The following C10orf90 variants were observed in gnomAD, a reference collection of about 807,000 sequenced individuals.
C10orf90 encodes the protein chromosome 10 open reading frame 90.
In C10orf90, 56 loss-of-function variants were observed where a neutral mutation model predicts 62.5. The ratio of observed to expected loss-of-function variants is 0.90; its 90% confidence interval spans 0.72 to 1.12. C10orf90 has a LOEUF of 1.12. C10orf90 is among the 50% of genes most tolerant of loss of function. The pLI is 0.00. For missense variants in C10orf90, 970 were observed against 880.4 expected, an observed-to-expected ratio of 1.10 and a Z score of -1.29; for synonymous variants, 386 against 340.4, an observed-to-expected ratio of 1.13 and a Z score of -1.47.
chr10:126,522,395 A>G lies in C10orf90; in HGVS notation c.314-8456T>C, dbSNP rs59343219. Among the ~76,000 whole-genome samples the G allele has an allele frequency of 6.4e-3, 972 of 152,370 alleles. 16 individuals carry two copies. The highest frequency in any genetic ancestry group is 0.022 in the African/African-American group (927 of 41,582). On this transcript the variant is annotated intron_variant, in intron 2 of 9. Coordinates refer to ENST00000488181, the MANE Select transcript of C10orf90 (RefSeq NM_001350921.2). ...AACTGCATAACTTATTGCCTTTCCA[A>G]TGAAATACACAATTTTATAAGGAGA...
chr10:126,425,702 TG>T lies in C10orf90; in HGVS notation c.*161del. 1 of 699,940 alleles carries T rather than the reference TG, an allele frequency of 1.4e-6. No individual in the cohort carries two copies. The highest frequency in any genetic ancestry group is 2.0e-5 in the South Asian group (1 of 49,906). The allele number at this position is 699,940 out of a possible 1,614,324, so 43.4% of individuals were successfully genotyped here. A position where few individuals can be genotyped will look rare whatever the true frequency, so the allele number is the denominator to read the frequency against. The stretch of plus-strand genomic sequence containing the variant: ...CGAGGGTTATTGTTTCTGTTTGGCT[TG>T]GGTCAGTAATTCAGGAAGTGATGTT... On this transcript the variant is annotated 3_prime_UTR_variant, in exon 10 of 10. Coordinates refer to ENST00000488181, the MANE Select transcript of C10orf90 (RefSeq NM_001350921.2).
At position 126,504,771 on chromosome 10, in the gene C10orf90, C is replaced by A. The variant is rs377010024; in HGVS notation, c.720G>T (p.Thr240=). Residue 240 remains threonine (T), a synonymous_variant, in exon 4 of 10, where the codon ACG becomes ACT. Transcript: ENST00000488181. The surrounding 1 kb of genome is among the most constrained non-coding windows in gnomAD (Gnocchi z 4.1). ...PRRGFASITI[T]ARRVGPPARA... is the part of the protein sequence containing the mutation. ...GGGCTGGGGGGCCCACGCGTCTGGC[C>A]GTGATGGTGATGGATGCAAACCCTC... 2 of 1,585,562 alleles carry A rather than the reference C, an allele frequency of 1.3e-6. No individual in the cohort carries two copies. Among genetic ancestry groups the A allele is most frequent in the Non-Finnish European group, 1.7e-6 (2 of 1,165,656 alleles).
At chr10:126,609,247 A>G (rs986085873) in intron 2 of C10orf90, among the ~76,000 whole-genome samples, 1 of 152,182 alleles carries the variant, frequency 6.6e-6, no homozygotes, top group African/African-American at 2.4e-5. Context: ...TGTTAAAAAT[A>G]CAAAAATTAG....
intron 1 of C10orf90, among the ~76,000 whole-genome samples, chr10:126,648,471 C>T (rs1846214917): frequency 6.6e-6 from 1 of 152,198 alleles, no homozygotes; most frequent in South Asian, 2.1e-4. Context: ...AAGACTAAGA[C>T]ACTAAGTATC....
intron 7 of C10orf90, among the ~76,000 whole-genome samples, chr10:126,448,477 A>G (rs911548354): frequency 6.6e-6 from 1 of 152,144 alleles, no homozygotes; most frequent in Non-Finnish European, 1.5e-5. Flanking sequence ...CTAATCAAGA[A>G]CTAGAACTAG....
At chr10:126,659,906 C>A (rs1004044734) in intron 1 of C10orf90, among the ~76,000 whole-genome samples, 2 of 152,242 alleles carry the variant, frequency 1.3e-5, no homozygotes, top group African/African-American at 4.8e-5. Flanking sequence ...TCTGTTTATT[C>A]ATTTCTTCGT....
intron 2 of C10orf90, among the ~76,000 whole-genome samples, chr10:126,563,357 G>A (rs2133990441): frequency 6.6e-6 from 1 of 152,264 alleles, no homozygotes. Context: ...TAGATCCTGG[G>A]CAGCCCAGGC....
At chr10:126,646,326 C>A (rs1268922197) in intron 2 of C10orf90, among the ~76,000 whole-genome samples, 1 of 152,230 alleles carries the variant, frequency 6.6e-6, no homozygotes, top group Non-Finnish European at 1.5e-5. Flanking sequence ...AGCTCAGGTC[C>A]CAAAGGCACC....
intron 2 of C10orf90, among the ~76,000 whole-genome samples, chr10:126,628,530 G>A (rs1845791434): frequency 6.6e-6 from 1 of 152,292 alleles, no homozygotes. Context: ...TCTGCTTGAG[G>A]TCTGGTGGTC....
At chr10:126,529,412 C>T (rs1239931978) in intron 2 of C10orf90, among the ~76,000 whole-genome samples, 1 of 152,006 alleles carries the variant, frequency 6.6e-6, no homozygotes, top group Non-Finnish European at 1.5e-5. Flanking sequence ...TCAAAAGATT[C>T]CATAAAGAGA....
At chr10:126,516,959 G>A (rs1863469783) in intron 2 of C10orf90, among the ~76,000 whole-genome samples, 1 of 152,096 alleles carries the variant, frequency 6.6e-6, no homozygotes, top group Non-Finnish European at 1.5e-5. Flanking sequence ...CCTCTTGTAA[G>A]GACCCTTGGA....
chr10:126,592,324 T>C (rs1296130263), intron 2 of C10orf90, among the ~76,000 whole-genome samples: 6 of 152,164 alleles, frequency 3.9e-5, no homozygotes, highest in African/African-American at 7.2e-5. Context: ...CAAAACAGCA[T>C]GGTACTGGTA....
At chr10:126,611,877 A>G (rs1160944793) in intron 2 of C10orf90, among the ~76,000 whole-genome samples, 1 of 152,216 alleles carries the variant, frequency 6.6e-6, no homozygotes, top group Non-Finnish European at 1.5e-5. Context: ...ACAAATTCAC[A>G]ATGGCACAAA....
At chr10:126,452,235 G>A (rs1483470584) in intron 7 of C10orf90, among the ~76,000 whole-genome samples, 1 of 151,918 alleles carries the variant, frequency 6.6e-6, no homozygotes, top group East Asian at 1.9e-4. Context: ...CAAAACGTGG[G>A]CGTATGGTTT....
intron 2 of C10orf90, among the ~76,000 whole-genome samples, chr10:126,625,624 C>T (rs1469606978): frequency 6.6e-6 from 1 of 152,122 alleles, no homozygotes; most frequent in Non-Finnish European, 1.5e-5. Flanking sequence ...GCTGAGTTTG[C>T]TAATGATGTT....
Position 126,504,270 on chromosome 10 carries a change from C to T in C10orf90, c.1221G>A (p.Val407=). The change falls in exon 4 of 10, where the codon GTG becomes GTA. Residue 407 remains valine (V), a synonymous_variant. Coordinates refer to ENST00000488181, the MANE Select transcript of C10orf90 (RefSeq NM_001350921.2). The surrounding 1 kb of genome is among the most constrained non-coding windows in gnomAD (Gnocchi z 4.1). ...RLTADGVDGL[V]NREPISEALK... is the part of the protein sequence containing the mutation. ...GGGCTTCGCTTATTGGCTCTCTGTT[C>T]ACTAGGCCATCTACTCCATCTGCTG... 1 of 1,614,202 alleles carries T rather than the reference C, an allele frequency of 6.2e-7. No homozygotes were observed. Among genetic ancestry groups the T allele is most frequent in the Non-Finnish European group, 8.5e-7 (1 of 1,180,046 alleles).
chr10:126,630,471 G>A (rs771455152), intron 2 of C10orf90, among the ~76,000 whole-genome samples: 9 of 152,136 alleles, frequency 5.9e-5, no homozygotes, highest in South Asian at 2.1e-4. Flanking sequence ...TGGTGGGGTC[G>A]GGAACGGGGA....
At chr10:126,506,013 C>T (rs1862710118) in intron 3 of C10orf90, among the ~76,000 whole-genome samples, 1 of 152,126 alleles carries the variant, frequency 6.6e-6, no homozygotes, top group African/African-American at 2.4e-5. Flanking sequence ...CACGTTTGCC[C>T]AGACCAACAC....
At chr10:126,516,648 T>C (rs890615555) in intron 2 of C10orf90, among the ~76,000 whole-genome samples, 1 of 152,222 alleles carries the variant, frequency 6.6e-6, no homozygotes, top group Non-Finnish European at 1.5e-5. Context: ...GCGGAGGGAC[T>C]GCCATGATCA....
Sources: gnomAD v4.1 joint callset for allele counts (sites outside exome capture counted in the v4.1 genomes callset) on GRCh38, gnomAD v4.1.1 for gene constraint, Gnocchi (gnomAD v3.1) non-coding constraint, MANE v1.5 for transcripts, NCBI Gene and HGNC (gene_info 2026-07-23, HGNC 2026-07-21) for gene names.